RIMS1: variants seen among roughly 807,000 people sequenced by gnomAD.
The protein encoded by RIMS1 is regulating synaptic membrane exocytosis protein 1.
A neutral mutation model predicts 214.1 loss-of-function variants in RIMS1; 83 were observed. The ratio of observed to expected loss-of-function variants is 0.39; its 90% CI spans 0.32 to 0.47. The LOEUF is 0.47. Among genes scored for constraint, RIMS1 ranks in the 20% least tolerant of loss-of-function variants. The probability of loss-of-function intolerance (pLI) is 0.99; values close to 1 mark genes in which losing one functional copy is unlikely to be tolerated. For synonymous variants in RIMS1, 793 were observed against 786.8 expected (o/e 1.01, Z -0.13); for missense variants, 2,050 against 2,161.8 (o/e 0.95, Z 1.03).
chr6:72,307,477 G>A, intron 27 of RIMS1, 107 bp downstream of exon 27: 1 of 694,370 alleles, frequency 1.4e-6, no homozygotes, highest in South Asian at 2.3e-5. Flanking sequence ...TTATCATTTG[G>A]GCCGGGCATG....
intron 28 of RIMS1, 96 bp from the exon 29 acceptor site, chr6:72,333,504 G>A: frequency 1.0e-6 from 1 of 1,002,106 alleles, no homozygotes; most frequent in South Asian, 1.6e-5. Flanking sequence ...CCCTAAAAAT[G>A]TGTCTGGATT....
At chr6:72,330,805 G>A (rs1441745364) in intron 28 of RIMS1, among the ~76,000 whole-genome samples, 4 of 151,698 alleles carry the variant, frequency 2.6e-5, no homozygotes, top group Admixed American at 2.0e-4. Context: ...TGACTGATTA[G>A]ATTCTATGAA....
chr6:72,398,645 AAAAG>A (rs1320457703), intron 32 of RIMS1, among the ~76,000 whole-genome samples: 1 of 152,124 alleles, frequency 6.6e-6, no homozygotes, highest in African/African-American at 2.4e-5. Context: ...GCAAAAGAAA[AAAAG>A]AATATAGTTC....
intron 25 of RIMS1, 35 bp downstream of exon 25, chr6:72,290,896 C>T (rs368649795): frequency 1.9e-6 from 3 of 1,600,384 alleles, no homozygotes; most frequent in Non-Finnish European, 1.7e-6. Flanking sequence ...CATTCATGTC[C>T]TGCCTCCGGG....
intron 27 of RIMS1, among the ~76,000 whole-genome samples, 170 bp downstream of exon 27, chr6:72,307,540 C>T (rs754926524): frequency 1.3e-5 from 2 of 152,090 alleles, no homozygotes; most frequent in Non-Finnish European, 2.9e-5. Context: ...AGGCACATCA[C>T]CTAAGGTCAG....
chr6:72,249,392 G>T (rs962957999), intron 12 of RIMS1, among the ~76,000 whole-genome samples: 1 of 152,094 alleles, frequency 6.6e-6, no homozygotes, highest in Non-Finnish European at 1.5e-5. Context: ...TTGGTTAATA[G>T]AAATATCATT....
Position 72,313,683 on chromosome 6 carries a change from A to G in RIMS1, c.4130+11A>G, listed in dbSNP as rs774622476. On this transcript the variant is annotated intron_variant, in intron 28 of 33. Transcript: ENST00000521978. ...CAGGGGTAGAATCAGGTGAGTTGGC[A>G]ATACTGTTTATATAAACTGGATCTT... 1 of 1,604,530 alleles carries G rather than the reference A, an allele frequency of 6.2e-7. No individual in the cohort carries two copies. Among genetic ancestry groups the G allele is most frequent in the Non-Finnish European group, 8.5e-7 (1 of 1,175,008 alleles).
intron 2 of RIMS1, among the ~76,000 whole-genome samples, chr6:71,985,240 C>T: frequency 6.6e-6 from 1 of 151,804 alleles, no homozygotes; most frequent in East Asian, 1.9e-4. Flanking sequence ...AAAAATAAAA[C>T]ATTAGCCAGG....
chr6:72,161,324 T>C (rs2045369596), intron 4 of RIMS1, among the ~76,000 whole-genome samples: 1 of 140,178 alleles, frequency 7.1e-6, no homozygotes. Context: ...TTGTTGATCT[T>C]TTCAAAAAAC....
chr6:72,107,989 T>TTTTG (rs145435323), intron 4 of RIMS1, among the ~76,000 whole-genome samples: 10,635 of 152,122 alleles, frequency 0.07, 418 homozygotes, highest in Non-Finnish European at 0.093. Context: ...CATTCTGTTT[T>TTTTG]TTTGTTTGTT....
chr6:71,947,577 G>A (rs1382428438), intron 1 of RIMS1, among the ~76,000 whole-genome samples: 1 of 152,028 alleles, frequency 6.6e-6, no homozygotes, highest in Non-Finnish European at 1.5e-5. Context: ...TTGGTCAAAT[G>A]ACATAACATT....
intron 29 of RIMS1, among the ~76,000 whole-genome samples, chr6:72,348,354 TG>T (rs1408409260): frequency 6.6e-6 from 1 of 151,868 alleles, no homozygotes; most frequent in Non-Finnish European, 1.5e-5. Context: ...GTATACATGG[TG>T]GTCATCCTGG....
At chr6:72,250,487 A>T (rs1254539896) in intron 13 of RIMS1, 27 bp downstream of exon 13, 2 of 1,462,170 alleles carry the variant, frequency 1.4e-6, no homozygotes, top group East Asian at 5.0e-5. Flanking sequence ...GAAAAAAAAA[A>T]TCTTAAAATC....
chr6:72,214,306 A>G (rs1342279797), intron 6 of RIMS1, among the ~76,000 whole-genome samples: 1 of 152,164 alleles, frequency 6.6e-6, no homozygotes, highest in Non-Finnish European at 1.5e-5. Flanking sequence ...TTGCATTTCT[A>G]ACAGAAAATA....
chr6:72,181,483 T>A (rs2153969129), intron 5 of RIMS1, among the ~76,000 whole-genome samples: 1 of 152,344 alleles, frequency 6.6e-6, no homozygotes. Flanking sequence ...TTTGGAGCTG[T>A]AAAGTTTCTA....
chr6:71,988,794 A>G (rs1800746851), intron 2 of RIMS1, among the ~76,000 whole-genome samples: 1 of 151,824 alleles, frequency 6.6e-6, no homozygotes, highest in African/African-American at 2.4e-5. Flanking sequence ...TGGTAACATT[A>G]TTTTTTTATT....
intron 6 of RIMS1, among the ~76,000 whole-genome samples, chr6:72,204,237 G>A (rs1319908631): frequency 2.0e-5 from 3 of 152,158 alleles, no homozygotes; most frequent in Admixed American, 1.3e-4. Flanking sequence ...GATAATAAAT[G>A]GGAAAGTATT....
In RIMS1 at chr6:72,274,360, C is replaced by T. The variant is rs2085055169; in HGVS notation, c.3410C>T (p.Ser1137Phe). The T allele has an allele frequency of 3.7e-6, 6 of 1,610,646 alleles. No homozygotes were observed. Among genetic ancestry groups the T allele is most frequent in the Non-Finnish European group, 5.1e-6 (6 of 1,177,532 alleles). ...HSPERERGRW[S>F]PSLDRRRPPS... The stretch of plus-strand genomic sequence containing the variant: ...CACTGGGCAAACAGGGGTAGATGGT[C>T]CCCCTCCCTAGATAGGAGACGACCT... The change falls in exon 23 of 34, where the codon TCC becomes TTC. Residue 1137 changes from serine (S) to phenylalanine (F), a missense_variant. Ser to Phe is a radical substitution (Grantham distance 155). Around this residue, in one of 6 missense-constraint regions of RIMS1, gnomAD observed 889 missense variants for 885.5 expected, o/e 1.00. Coordinates refer to ENST00000521978, the MANE Select transcript of RIMS1 (RefSeq NM_014989.7).
chr6:72,118,221 C>A (rs2037471409), intron 4 of RIMS1, among the ~76,000 whole-genome samples: 1 of 151,142 alleles, frequency 6.6e-6, no homozygotes, highest in Non-Finnish European at 1.5e-5. Context: ...TAGATTAAAT[C>A]AGGAAGATAT....
Sources: allele counts gnomAD v4.1 joint callset (sites outside exome capture counted in the v4.1 genomes callset), GRCh38; gene constraint gnomAD v4.1.1; regional missense constraint gnomAD v4.1.1; transcripts MANE v1.5; gene names NCBI Gene and HGNC (gene_info 2026-07-23, HGNC 2026-07-21).